The following FUNDC2 variants were observed in gnomAD, a reference collection of about 807,000 sequenced individuals.
FUNDC2 encodes FUN14 domain containing 2, also known as FUN14 domain-containing protein 2.
A neutral mutation model predicts 15.6 loss-of-function variants in FUNDC2; 4 were observed. The ratio of observed to expected loss-of-function variants is 0.26; its 90% CI spans 0.13 to 0.59. The LOEUF (loss-of-function observed/expected upper bound fraction) is 0.59, where lower values mean the gene tolerates loss of function less well. Among genes scored for constraint, FUNDC2 ranks in the 20% least tolerant of loss-of-function variants. The pLI is 0.90. For synonymous variants in FUNDC2, 44 were observed against 56.9 expected (o/e 0.77, Z 1.02); for missense variants, 98 against 149.7 (o/e 0.65, Z 1.80).
chrX:155,029,799 G>A (rs1174609528), intron 1 of FUNDC2, among the ~76,000 whole-genome samples: 1 of 108,919 alleles, frequency 9.2e-6, no homozygotes, highest in Non-Finnish European at 1.9e-5. Flanking sequence ...CTTTTTAATT[G>A]AGATTGTATT....
At chrX:155,035,929 G>GT (rs1195119761) in intron 2 of FUNDC2, among the ~76,000 whole-genome samples, 22 of 109,962 alleles carry the variant, frequency 2.0e-4, no homozygotes, top group Non-Finnish European at 3.4e-4. Flanking sequence ...GGACATTTGA[G>GT]TTTTTTTTTC....
rs1163380242 is a variant in FUNDC2 at position 155,055,922 on chromosome X, T to C, written c.*1250T>C. On this transcript the variant is annotated 3_prime_UTR_variant, in exon 5 of 5. Transcript: ENST00000369498. ...GTTTCTAAGGCCATACATTTAAAAA[T>C]GTTTGCATTTTAACCCGTCTTGAGA... The C allele has an allele frequency of 8.9e-6, 1 of 112,352 alleles. No individual in the cohort carries two copies. The highest frequency in any genetic ancestry group is 9.4e-5 in the Admixed American group (1 of 10,610). 9.3% of individuals were successfully genotyped at this position (112,352 alleles called of 1,213,427 possible).
At chrX:155,030,609 A>G (rs1376204453) in intron 1 of FUNDC2, among the ~76,000 whole-genome samples, 3 of 109,963 alleles carry the variant, frequency 2.7e-5, no homozygotes, top group African/African-American at 9.9e-5. Context: ...ACCATTAAGT[A>G]TGATGTTAGT....
At chrX:155,035,833 T>A (rs1258581145) in intron 2 of FUNDC2, among the ~76,000 whole-genome samples, 6 of 112,411 alleles carry the variant, frequency 5.3e-5, no homozygotes, top group African/African-American at 1.9e-4. Flanking sequence ...TGCTTTTCTG[T>A]TTATCAACAG....
At chrX:155,027,317 C>T (rs1557288363) in intron 1 of FUNDC2, 1 of 245,501 alleles carries the variant, frequency 4.1e-6, no homozygotes, top group Non-Finnish European at 7.4e-6. Flanking sequence ...CCCAGCCTTC[C>T]GGCGCCGCCC....
chrX:155,026,897 C>T lies in FUNDC2; in HGVS notation c.-42C>T, dbSNP rs1557288252. The T allele has an allele frequency of 2.6e-6, 3 of 1,164,409 alleles. No homozygotes were observed. The highest frequency in any genetic ancestry group is 2.3e-6 in the Non-Finnish European group (2 of 873,943). Reference sequence around the variant, plus strand: ...GCCGCTTGCGGAGACTGCAAGCAGCCGCGGCGCGCCCGGCCCTCCCTCTTC... The same window carrying T: ...GCCGCTTGCGGAGACTGCAAGCAGCTGCGGCGCGCCCGGCCCTCCCTCTTC... On this transcript the variant is annotated 5_prime_UTR_variant, in exon 1 of 5. Transcript: ENST00000369498.
At chrX:155,041,781 C>T (rs782057823) in intron 2 of FUNDC2, among the ~76,000 whole-genome samples, 21 of 111,049 alleles carry the variant, frequency 1.9e-4, no homozygotes, top group Non-Finnish European at 3.6e-4. Flanking sequence ...TTTAAGATTT[C>T]CTCTAGGTCG....
chrX:155,033,427 C>T lies in FUNDC2; in HGVS notation c.158C>T (p.Ser53Leu), dbSNP rs781922068. The T allele has an allele frequency of 6.6e-6, 8 of 1,208,356 alleles. No individual in the cohort carries two copies. The highest frequency in any genetic ancestry group is 9.0e-6 in the Non-Finnish European group (8 of 893,666). The change falls in exon 2 of 5, where the codon TCA becomes TTA. Residue 53 changes from serine to leucine, a missense_variant. Ser to Leu is a moderately radical substitution (Grantham distance 145). Coordinates refer to ENST00000369498, the MANE Select transcript of FUNDC2 (RefSeq NM_023934.4). ...GGAAACTTTGAGGGAAATTTTGAGTCACTGGACCTTGCGGAATTTGCTAAG... is the reference window on the plus strand; with the variant it reads ...GGAAACTTTGAGGGAAATTTTGAGTTACTGGACCTTGCGGAATTTGCTAAG... Reference protein sequence around the residue: ...SQGNFEGNFESLDLAEFAKKQ... With the variant: ...SQGNFEGNFELLDLAEFAKKQ...
At chrX:155,051,210 A>G (rs995407078) in intron 3 of FUNDC2, 1 of 117,844 alleles carries the variant, frequency 8.5e-6, no homozygotes, top group African/African-American at 3.2e-5. Flanking sequence ...GCTCATGAGA[A>G]ATCTCTGTGG....
In FUNDC2 at chrX:155,059,326, C is replaced by T. The variant is rs1420307705; in HGVS notation, c.*4654C>T. On this transcript the variant is annotated 3_prime_UTR_variant, in exon 5 of 5. Coordinates refer to ENST00000369498, the MANE Select transcript of FUNDC2 (RefSeq NM_023934.4). ...TGCAAGGAAAGGAGTGACAAGATATCACCCCACAAATGACTTACCCATTAC... is the reference window on the plus strand; with the variant it reads ...TGCAAGGAAAGGAGTGACAAGATATTACCCCACAAATGACTTACCCATTAC... 2 of 112,048 alleles carry T rather than the reference C, an allele frequency of 1.8e-5. No homozygotes were observed. The highest frequency in any genetic ancestry group is 3.8e-5 in the Non-Finnish European group (2 of 53,193). The allele number at this position is 112,048 out of a possible 1,213,427, so 9.2% of individuals were successfully genotyped here.
In FUNDC2 at chrX:155,056,607, C is replaced by T. The variant is rs2073899147; in HGVS notation, c.*1935C>T. 9.1e-6 allele frequency: 1 copy of T among 109,595 alleles called. No homozygotes were observed. Among genetic ancestry groups the T allele is most frequent in the African/African-American group, 3.3e-5 (1 of 29,937 alleles). The allele number at this position is 109,595 out of a possible 1,213,427, so 9.0% of individuals were successfully genotyped here. On this transcript the variant is annotated 3_prime_UTR_variant, in exon 5 of 5. Transcript: ENST00000369498. ...GTAGTGACACTGAGTCATCTGTTTC[C>T]TGCTTCCCCACACTCTGCCTCTCCT...
intron 4 of FUNDC2, among the ~76,000 whole-genome samples, chrX:155,053,196 G>A (rs1557290609): frequency 2.7e-5 from 3 of 112,425 alleles, no homozygotes; most frequent in Non-Finnish European, 3.8e-5. Flanking sequence ...TACTGGAAGT[G>A]TATATAATAA....
intron 1 of FUNDC2, 48 bp downstream of exon 1, chrX:155,027,119 T>TGGGCTCCGGAAGGGGAA: frequency 9.5e-7 from 1 of 1,053,979 alleles, no homozygotes; most frequent in Non-Finnish European, 1.2e-6. Flanking sequence ...GCCGCCTTCC[T>TGGGCTCCGGAAGGGGAA]GGGCTCCGGA....
At chrX:155,052,779 C>T (rs962036761) in intron 4 of FUNDC2, among the ~76,000 whole-genome samples, 1 of 112,192 alleles carries the variant, frequency 8.9e-6, no homozygotes, top group African/African-American at 3.2e-5. Context: ...TTCTGTCTCT[C>T]CTCAAAGTTA....
chrX:155,045,226 G>A (rs4898407), intron 2 of FUNDC2, among the ~76,000 whole-genome samples: 26,022 of 110,615 alleles, frequency 0.24, 2,269 homozygotes, highest in South Asian at 0.38. Flanking sequence ...GGGAAGATGT[G>A]GGTCAAAGGA....
chrX:155,040,069 C>G (rs1161302216), intron 2 of FUNDC2, among the ~76,000 whole-genome samples: 30 of 111,626 alleles, frequency 2.7e-4, no homozygotes, highest in African/African-American at 9.8e-4. Flanking sequence ...GCCTTCTTGG[C>G]TAGATTTATT....
chrX:155,040,108 C>T (rs968371386), intron 2 of FUNDC2, among the ~76,000 whole-genome samples: 11 of 111,595 alleles, frequency 9.9e-5, no homozygotes, highest in Admixed American at 1.9e-4. Context: ...GTAAGTGGGA[C>T]GTTTGTTTTT....
chrX:155,027,156 C>T (rs1416426058), intron 1 of FUNDC2, 85 bp downstream of exon 1: 8 of 955,932 alleles, frequency 8.4e-6, no homozygotes, highest in African/African-American at 2.1e-5. Context: ...GCCCGCCAGT[C>T]GCGACCGAGC....
In FUNDC2 at chrX:155,056,910, G is replaced by A. The variant is rs1260478987; in HGVS notation, c.*2238G>A. The A allele has an allele frequency of 2.7e-5, 3 of 111,408 alleles. No individual in the cohort carries two copies. Among genetic ancestry groups the A allele is most frequent in the Non-Finnish European group, 3.8e-5 (2 of 52,954 alleles). 9.2% of individuals were successfully genotyped at this position (111,408 alleles called of 1,213,427 possible). On this transcript the variant is annotated 3_prime_UTR_variant, in exon 5 of 5. Transcript: ENST00000369498. ...TTGAGTAGGTTGTAATAAATAGTCT[G>A]GCCTCAGACTGTATTCTGATTGTCT...
Sources: allele counts gnomAD v4.1 joint callset (sites outside exome capture counted in the v4.1 genomes callset), GRCh38; gene constraint gnomAD v4.1.1; transcripts MANE v1.5; gene names NCBI Gene and HGNC (gene_info 2026-07-23, HGNC 2026-07-21).